The following CUL5 variants were observed in gnomAD, a reference collection of about 807,000 sequenced individuals.
CUL5 encodes cullin 5, also known as cullin-5.
CUL5 carries 26 observed loss-of-function variants against 108.8 expected under a neutral mutation model. The observed-to-expected ratio is 0.24, with a 90% CI of 0.18 to 0.33. CUL5 has a LOEUF of 0.33. CUL5 is among the 10% of genes least tolerant of loss of function. The pLI is 1.00. For synonymous variants in CUL5, 334 were observed against 298.0 expected (o/e 1.12, Z -1.25); for missense variants, 524 against 909.2 (o/e 0.58, Z 5.45).
At chr11:108,022,589 C>A (rs1862353748) in intron 1 of CUL5, among the ~76,000 whole-genome samples, 3 of 152,076 alleles carry the variant, frequency 2.0e-5, no homozygotes, top group African/African-American at 2.4e-5. Context: ...AACACTTACC[C>A]CCAGCCCAAA....
chr11:108,097,668 A>G lies in CUL5; in HGVS notation c.1938A>G (p.Gln646=). 6.2e-7 allele frequency: 1 copy of G among 1,613,506 alleles called. No individual in the cohort carries two copies. Among genetic ancestry groups the G allele is most frequent in the Non-Finnish European group, 8.5e-7 (1 of 1,179,586 alleles). The change falls in exon 17 of 19, where the codon CAA becomes CAG. Residue 646 remains glutamine, a synonymous_variant. Coordinates refer to ENST00000393094, the MANE Select transcript of CUL5 (RefSeq NM_003478.6). ...SLVAFPKLKR[Q]VLLYEPQVNS... is the part of the protein sequence containing the mutation. ...TAGCTTTCCCAAAACTCAAACGGCA[A>G]GTTTTGTTGTATGAACCTCAAGTCA...
intron 11 of CUL5, among the ~76,000 whole-genome samples, 188 bp downstream of exon 11, chr11:108,078,428 CTTTAT>C (rs1359277926): frequency 1.3e-5 from 2 of 151,376 alleles, no homozygotes; most frequent in African/African-American, 4.9e-5. Context: ...CAAAAATTGA[CTTTAT>C]TTTTTCAGGT....
At chr11:108,036,680 G>A (rs906063162) in intron 2 of CUL5, among the ~76,000 whole-genome samples, 2 of 152,190 alleles carry the variant, frequency 1.3e-5, no homozygotes, top group East Asian at 1.9e-4. Flanking sequence ...TTTTCACCAT[G>A]TTGGCCGGGA....
chr11:108,038,960 G>A (rs1416043552), intron 2 of CUL5, among the ~76,000 whole-genome samples: 2 of 150,932 alleles, frequency 1.3e-5, no homozygotes, highest in East Asian at 1.9e-4. Context: ...ATTTTGGGTG[G>A]TATAAGAGAT....
intron 2 of CUL5, among the ~76,000 whole-genome samples, chr11:108,039,351 C>G (rs1428261909): frequency 6.6e-6 from 1 of 152,142 alleles, no homozygotes; most frequent in Non-Finnish European, 1.5e-5. Context: ...GTCATGAACA[C>G]TCCTTCTGTG....
chr11:108,030,470 T>C (rs1862552943), intron 1 of CUL5, among the ~76,000 whole-genome samples: 1 of 152,160 alleles, frequency 6.6e-6, no homozygotes, highest in Non-Finnish European at 1.5e-5. Flanking sequence ...AAACCCCGTC[T>C]CTACAAAAAA....
At chr11:108,019,739 A>C (rs1040066258) in intron 1 of CUL5, among the ~76,000 whole-genome samples, 4 of 152,162 alleles carry the variant, frequency 2.6e-5, no homozygotes, top group African/African-American at 9.7e-5. Context: ...TATCCTAATA[A>C]TAATAAGTGA....
chr11:108,050,874 A>C lies in CUL5; in HGVS notation c.411+808A>C, dbSNP rs138210443. The stretch of plus-strand genomic sequence containing the variant: ...GTGTCAAGTAACCAGTCATGATTTA[A>C]TGGAAAGAACTCAGTGCTGAATATG... On this transcript the variant is annotated intron_variant, in intron 4 of 18. Transcript: ENST00000393094. 5.6e-4 allele frequency among the ~76,000 whole-genome samples: 85 copies of C among 152,306 alleles called. No individual in the cohort carries two copies. In the East Asian group the frequency reaches 0.014, roughly 26 times the overall value.
chr11:108,059,920 T>C (rs930173948), intron 7 of CUL5, among the ~76,000 whole-genome samples: 1 of 151,908 alleles, frequency 6.6e-6, no homozygotes, highest in African/African-American at 2.4e-5. Flanking sequence ...CCTTTTGTAT[T>C]AGCAGAATTA....
In CUL5 at chr11:108,009,316, C is replaced by T. The variant is rs1221083979; in HGVS notation, c.-33C>T. The T allele has an allele frequency of 2.5e-6, 4 of 1,609,200 alleles. No individual in the cohort carries two copies. Among genetic ancestry groups the T allele is most frequent in the African/African-American group, 1.3e-5 (1 of 74,324 alleles). On this transcript the variant is annotated 5_prime_UTR_variant, in exon 1 of 19. Transcript: ENST00000393094. The stretch of plus-strand genomic sequence containing the variant: ...CCTGGCCGGGAGCGCCACGAATTCT[C>T]GCGTCGTCTCGCGAGAGTCCAAGTT...
intron 17 of CUL5, 34 bp from the exon 18 acceptor site, chr11:108,098,372 C>A: frequency 6.4e-7 from 1 of 1,563,956 alleles, no homozygotes; most frequent in Non-Finnish European, 8.7e-7. Flanking sequence ...AAGTGTTTTT[C>A]ACCATAAAAT....
chr11:108,013,999 T>C (rs1056673107), intron 1 of CUL5, among the ~76,000 whole-genome samples: 1 of 152,214 alleles, frequency 6.6e-6, no homozygotes, highest in Admixed American at 6.5e-5. Context: ...TGTAGAACAA[T>C]GTCCATGCTC....
intron 5 of CUL5, among the ~76,000 whole-genome samples, chr11:108,053,746 C>G (rs1412967814): frequency 6.7e-6 from 1 of 150,196 alleles, no homozygotes; most frequent in African/African-American, 2.5e-5. Context: ...GTGGCGTGAT[C>G]ATGGCTCATT....
At chr11:108,094,077 A>G (rs898345893) in intron 13 of CUL5, among the ~76,000 whole-genome samples, 4 of 152,196 alleles carry the variant, frequency 2.6e-5, no homozygotes, top group Non-Finnish European at 5.9e-5. Flanking sequence ...TAAAGTTTTT[A>G]CTTCATGCAG....
At chr11:108,091,317 C>T (rs1864352525) in intron 13 of CUL5, among the ~76,000 whole-genome samples, 1 of 151,818 alleles carries the variant, frequency 6.6e-6, no homozygotes, top group South Asian at 2.1e-4. Context: ...TCCCAAAGTA[C>T]TGAGATTACA....
At chr11:108,021,906 C>T (rs1047774352) in intron 1 of CUL5, among the ~76,000 whole-genome samples, 1 of 152,160 alleles carries the variant, frequency 6.6e-6, no homozygotes, top group African/African-American at 2.4e-5. Flanking sequence ...CCTCGAACTC[C>T]TGGGCCCAAG....
At chr11:108,017,630 G>A (rs1427193988) in intron 1 of CUL5, among the ~76,000 whole-genome samples, 1 of 152,104 alleles carries the variant, frequency 6.6e-6, no homozygotes, top group African/African-American at 2.4e-5. Context: ...TGGGAAGATC[G>A]CTTGAGCCCA....
At chr11:108,048,020 A>AT (rs1405963079) in intron 3 of CUL5, among the ~76,000 whole-genome samples, 1 of 152,178 alleles carries the variant, frequency 6.6e-6, no homozygotes, top group Non-Finnish European at 1.5e-5. Context: ...CAAGAATGGG[A>AT]TTTAGCACCA....
chr11:108,024,009 T>C (rs892556112), intron 1 of CUL5, among the ~76,000 whole-genome samples: 1 of 152,230 alleles, frequency 6.6e-6, no homozygotes, highest in Non-Finnish European at 1.5e-5. Context: ...TAATTGTCAC[T>C]AAATTTTTAT....
Sources: allele counts gnomAD v4.1 joint callset (sites outside exome capture counted in the v4.1 genomes callset), GRCh38; gene constraint gnomAD v4.1.1; transcripts MANE v1.5; gene names NCBI Gene and HGNC (gene_info 2026-07-23, HGNC 2026-07-21).